Variants in ANKRD36 observed in about 807,000 individuals in gnomAD.
The protein encoded by ANKRD36 is ankyrin repeat domain 36.
ANKRD36 carries 179 observed loss-of-function variants against 278.1 expected under a neutral mutation model. That is an observed-to-expected ratio of 0.64 (90% CI 0.57 to 0.73). The LOEUF is 0.73. Among genes scored for constraint, ANKRD36 ranks in the 30% least tolerant of loss-of-function variants. The probability of loss-of-function intolerance (pLI) is 0.00; values close to 1 mark genes in which losing one functional copy is unlikely to be tolerated. For synonymous variants in ANKRD36, 320 were observed against 641.1 expected (o/e 0.50, Z 7.57); for missense variants, 1,159 against 1,956.7 (o/e 0.59, Z 7.69).
intron 67 of ANKRD36, among the ~76,000 whole-genome samples, chr2:97,230,774 C>T (rs1328836494): frequency 6.6e-6 from 1 of 152,048 alleles, no homozygotes. Context: ...GAGGTTTTAT[C>T]TACTTTTGGT....
chr2:97,156,370 C>A (rs2047438384), intron 15 of ANKRD36, among the ~76,000 whole-genome samples: 1 of 144,330 alleles, frequency 6.9e-6, no homozygotes, highest in Admixed American at 6.9e-5. Flanking sequence ...TCCCTCCCCC[C>A]TACCCCCACC....
At chr2:97,114,164 G>A (rs2034481434) in intron 1 of ANKRD36, among the ~76,000 whole-genome samples, 1 of 98,410 alleles carries the variant, frequency 1.0e-5, no homozygotes, top group African/African-American at 4.4e-5. Context: ...GGAGTAGGGG[G>A]TGCATGGGGT....
chr2:97,149,294 G>A lies in ANKRD36; in HGVS notation c.1035-1G>A, dbSNP rs1348399315. 1 of 1,533,632 alleles carries A rather than the reference G, an allele frequency of 6.5e-7. No homozygotes were observed. Among genetic ancestry groups the A allele is most frequent in the African/African-American group, 1.4e-5 (1 of 72,996 alleles). ...TTTTGTAATATCTTTTTGCTCTGTA[G>A]GAGTCTCTACAGACCTGATGCTGTT... On this transcript the variant is annotated splice_acceptor_variant, in intron 11 of 75. Coordinates refer to ENST00000420699, the MANE Select transcript of ANKRD36 (RefSeq NM_001354587.1). LOFTEE classifies it high-confidence loss of function.
intron 48 of ANKRD36, 131 bp from the exon 49 acceptor site, chr2:97,203,937 A>C: frequency 7.1e-7 from 1 of 1,416,902 alleles, no homozygotes; most frequent in East Asian, 2.5e-5. Flanking sequence ...TCCCCAGACC[A>C]AAATTAGAAG....
chr2:97,198,191 T>C (rs534194848), intron 42 of ANKRD36, among the ~76,000 whole-genome samples: 15 of 152,056 alleles, frequency 9.9e-5, no homozygotes, highest in African/African-American at 3.6e-4. Flanking sequence ...ACTCGGCATA[T>C]CCACGTTGAT....
chr2:97,123,500 T>TC (rs2037513760), intron 4 of ANKRD36, among the ~76,000 whole-genome samples: 1 of 83,532 alleles, frequency 1.2e-5, no homozygotes. Flanking sequence ...TCCCTAGCTT[T>TC]CCCACTTGCT....
intron 52 of ANKRD36, among the ~76,000 whole-genome samples, chr2:97,206,389 T>G (rs1558776591): frequency 6.6e-6 from 1 of 151,536 alleles, no homozygotes; most frequent in African/African-American, 2.4e-5. Context: ...GACATAAGGG[T>G]CTCTGGGGAA....
chr2:97,175,239 G>A (rs1229310458), intron 22 of ANKRD36, among the ~76,000 whole-genome samples: 1 of 148,788 alleles, frequency 6.7e-6, no homozygotes, highest in Non-Finnish European at 1.5e-5. Flanking sequence ...GAATTCGGCT[G>A]TGAATCCATC....
chr2:97,231,759 T>C (rs2072208436), intron 67 of ANKRD36, among the ~76,000 whole-genome samples: 1 of 152,224 alleles, frequency 6.6e-6, no homozygotes, highest in Non-Finnish European at 1.5e-5. Context: ...CTGGAGCTGT[T>C]CCTATTCAGC....
At chr2:97,260,413 TAC>T (rs1161398661) in intron 75 of ANKRD36, among the ~76,000 whole-genome samples, 18 of 130,722 alleles carry the variant, frequency 1.4e-4, no homozygotes, top group Admixed American at 9.4e-4. Context: ...CATACACATA[TAC>T]ACACACACAA....
chr2:97,188,855 A>G (rs60766501), intron 32 of ANKRD36, among the ~76,000 whole-genome samples: 4,320 of 90,038 alleles, frequency 0.048, 570 homozygotes, highest in African/African-American at 0.11. Flanking sequence ...AGTTTTCGAC[A>G]TATGACGAAT....
At chr2:97,203,365 T>A (rs1188288176) in intron 48 of ANKRD36, among the ~76,000 whole-genome samples, 1 of 151,868 alleles carries the variant, frequency 6.6e-6, no homozygotes, top group Admixed American at 6.6e-5. Context: ...TCAAATTTGA[T>A]AATTGATGAT....
Position 97,113,932 on chromosome 2 carries a change from G to A in ANKRD36, c.193G>A (p.Glu65Lys), listed in dbSNP as rs748248672. 9 of 1,611,704 alleles carry A rather than the reference G, an allele frequency of 5.6e-6. 1 individual carries two copies. In the Admixed American group the frequency reaches 1.5e-4, roughly 27 times the overall value. ...TGACGCCAATAAGAGAGACAGGAAG[G>A]AAAGGTAATGGGGGCCGGGAGCCGG... ...YYDANKRDRKERTALHLACAT... is the reference protein window; with the variant it reads ...YYDANKRDRKKRTALHLACAT... The change falls in exon 1 of 76, where the codon GAA becomes AAA. Residue 65 changes from glutamate to lysine, a missense_variant. Physicochemically the swap from Glu to Lys is moderately conservative, Grantham distance 56. Coordinates refer to ENST00000420699, the MANE Select transcript of ANKRD36 (RefSeq NM_001354587.1).
chr2:97,202,614 A>AAT (rs1263230830), intron 48 of ANKRD36, among the ~76,000 whole-genome samples: 1 of 151,838 alleles, frequency 6.6e-6, no homozygotes, highest in Non-Finnish European at 1.5e-5. Flanking sequence ...AGTTGGGAAG[A>AAT]ATATACATGG....
At position 97,179,737 on chromosome 2, in the gene ANKRD36, G is replaced by C. The variant is rs757540576; in HGVS notation, c.1634-1G>C. ...GATTATGTATCCCTTTTGCTTTTCAGTGTCTTCTCAGAAACAACCAGCTGA... is the reference window on the plus strand; with the variant it reads ...GATTATGTATCCCTTTTGCTTTTCACTGTCTTCTCAGAAACAACCAGCTGA... On this transcript the variant is annotated splice_acceptor_variant, in intron 22 of 75. Transcript: ENST00000420699. LOFTEE classifies it high-confidence loss of function. 1.9e-6 allele frequency: 3 copies of C among 1,593,474 alleles called. No individual in the cohort carries two copies. In the Admixed American group the frequency reaches 5.1e-5, roughly 27 times the overall value.
intron 30 of ANKRD36, among the ~76,000 whole-genome samples, chr2:97,186,765 G>A (rs1187148595): frequency 6.6e-6 from 1 of 151,874 alleles, no homozygotes; most frequent in Non-Finnish European, 1.5e-5. Context: ...TACTGGGCAA[G>A]TTAATGAACA....
At chr2:97,142,297 A>G (rs2043110549) in intron 6 of ANKRD36, among the ~76,000 whole-genome samples, 1 of 152,208 alleles carries the variant, frequency 6.6e-6, no homozygotes, top group Non-Finnish European at 1.5e-5. Context: ...ACCTGCTTTG[A>G]CATTGATTCC....
chr2:97,187,102 G>A (rs2057555800), intron 30 of ANKRD36, 96 bp from the exon 31 acceptor site: 1 of 1,568,840 alleles, frequency 6.4e-7, no homozygotes, highest in Admixed American at 1.8e-5. Flanking sequence ...CACTAATACA[G>A]GCAGGCGGAT....
intron 67 of ANKRD36, among the ~76,000 whole-genome samples, chr2:97,227,715 G>A (rs538362828): frequency 1.3e-5 from 2 of 152,248 alleles, no homozygotes; most frequent in African/African-American, 4.8e-5. Context: ...TCTTGTGCCA[G>A]TTTTCAAAGG....
Sources: gnomAD v4.1 joint callset for allele counts (sites outside exome capture counted in the v4.1 genomes callset) on GRCh38, gnomAD v4.1.1 for gene constraint, MANE v1.5 for transcripts, NCBI Gene and HGNC (gene_info 2026-07-23, HGNC 2026-07-21) for gene names.